CDYL: variants seen among roughly 807,000 people sequenced by gnomAD.
The protein encoded by CDYL is chromodomain Y like, also known as chromodomain Y-like protein.
A neutral mutation model predicts 47.3 loss-of-function variants in CDYL; 8 were observed. The ratio of observed to expected loss-of-function variants is 0.17; its 90% confidence interval spans 0.10 to 0.31. The LOEUF (loss-of-function observed/expected upper bound fraction) is 0.31, where lower values mean the gene tolerates loss of function less well. Among genes scored for constraint, CDYL ranks in the 10% least tolerant of loss-of-function variants. CDYL has a pLI of 1.00. For missense variants in CDYL, 471 were observed against 701.4 expected (o/e 0.67, Z 3.71); for synonymous variants, 266 against 265.0 (o/e 1.00, Z -0.04).
rs368918105 is a variant in CDYL at position 4,932,663 on chromosome 6, A to G, written c.692-2852A>G. Among the ~76,000 whole-genome samples the G allele has an allele frequency of 1.9e-4, 29 of 152,252 alleles. 1 individual carries two copies. In the East Asian group the frequency reaches 3.5e-3, roughly 18 times the overall value. On this transcript the variant is annotated intron_variant, in intron 2 of 6. Coordinates refer to ENST00000397588, the MANE Select transcript of CDYL (RefSeq NM_004824.4). ...ACCAGCTGCTGGCATGTGTAGTCTG[A>G]AGGAACCCCCTTCTTAGAATGCCCA...
intron 2 of CDYL, among the ~76,000 whole-genome samples, chr6:4,897,853 C>G (rs1339019973): frequency 6.8e-6 from 1 of 148,112 alleles, no homozygotes; most frequent in Non-Finnish European, 1.5e-5. Flanking sequence ...GTCAGGAGAT[C>G]AAGACCATCC....
In CDYL at chr6:4,891,713, G is replaced by A. The variant is rs1373358695; in HGVS notation, c.25G>A (p.Val9Ile). The A allele has an allele frequency of 6.2e-7, 1 of 1,610,268 alleles. No homozygotes were observed. The highest frequency in any genetic ancestry group is 8.5e-7 in the Non-Finnish European group (1 of 1,177,982). The change falls in exon 2 of 7, where the codon GTT (valine) becomes ATT (isoleucine). Residue 9 changes from valine (V) to isoleucine (I), a missense_variant and splice_region_variant. Transcript: ENST00000397588. ...ACTATTTTTTTCCTTTTATGAACAGGTTGAAAGGATTGTTGACAAAAGGAA... is the reference window on the plus strand; with the variant it reads ...ACTATTTTTTTCCTTTTATGAACAGATTGAAAGGATTGTTGACAAAAGGAA... MASEELYEVERIVDKRKNK... is the reference protein window; with the variant it reads MASEELYEIERIVDKRKNK...
chr6:4,897,729 C>A (rs1023869308), intron 2 of CDYL, among the ~76,000 whole-genome samples: 1 of 147,002 alleles, frequency 6.8e-6, no homozygotes, highest in African/African-American at 2.5e-5. Flanking sequence ...CCAGCCTGGG[C>A]AACATAGTAA....
At chr6:4,801,427 TG>T (rs1288634390) in intron 1 of CDYL, among the ~76,000 whole-genome samples, 5 of 152,240 alleles carry the variant, frequency 3.3e-5, no homozygotes, top group African/African-American at 9.6e-5. Context: ...ATTTTTTTCT[TG>T]TCTAGTGGAA....
chr6:4,916,140 C>G (rs896024790), intron 2 of CDYL, among the ~76,000 whole-genome samples: 2 of 152,216 alleles, frequency 1.3e-5, no homozygotes, highest in Admixed American at 1.3e-4. Flanking sequence ...AACCCAGCCA[C>G]CTTGGCACAT....
intron 2 of CDYL, among the ~76,000 whole-genome samples, chr6:4,900,450 A>G (rs1756993286): frequency 1.3e-5 from 2 of 152,202 alleles, no homozygotes; most frequent in South Asian, 2.1e-4. Flanking sequence ...TTATACACAC[A>G]TACACATATG....
At chr6:4,758,347 AATAAAT>A (rs1216055509) in intron 3 of CDYL, among the ~76,000 whole-genome samples, 1 of 48,658 alleles carries the variant, frequency 2.1e-5, no homozygotes, top group Non-Finnish European at 4.2e-5. Context: ...CTTGAAAATA[AATAAAT>A]ATATATATAT....
At chr6:4,737,353 G>A (rs968473607) in intron 3 of CDYL, among the ~76,000 whole-genome samples, 7 of 3,782 alleles carry the variant, frequency 1.9e-3, no homozygotes, top group Non-Finnish European at 2.8e-3. Flanking sequence ...AGAAATATTT[G>A]CAACAAAAAT....
intron 3 of CDYL, among the ~76,000 whole-genome samples, chr6:4,759,481 C>A (rs1758135591): frequency 6.6e-6 from 1 of 151,994 alleles, no homozygotes; most frequent in South Asian, 2.1e-4. Context: ...TTTGCTTAGT[C>A]CTGATTATCT....
At chr6:4,732,456 C>A (rs1472716449) in intron 2 of CDYL, among the ~76,000 whole-genome samples, 1 of 151,970 alleles carries the variant, frequency 6.6e-6, no homozygotes, top group East Asian at 1.9e-4. Flanking sequence ...AAATTCAAGA[C>A]CAGCCTGAGC....
intron 2 of CDYL, among the ~76,000 whole-genome samples, chr6:4,896,811 A>G (rs1762296779): frequency 6.6e-6 from 1 of 152,230 alleles, no homozygotes; most frequent in Non-Finnish European, 1.5e-5. Context: ...GAAACGAACC[A>G]TCATTCAAAA....
At chr6:4,899,441 T>C (rs559712749) in intron 2 of CDYL, among the ~76,000 whole-genome samples, 4 of 152,152 alleles carry the variant, frequency 2.6e-5, no homozygotes, top group Non-Finnish European at 5.9e-5. Context: ...GGATGATAAA[T>C]TGCGGAGAAG....
Position 4,953,976 on chromosome 6 carries a change from G to A in CDYL, c.1555G>A (p.Val519Met), listed in dbSNP as rs1193326779. ...GCAGGCCAACGAGAGGGAGTGTGAG[G>A]TGCTGAAGAAAATCTGGGGCTCGGC... The part of the protein sequence containing the change: ...LEQANERECE[V>M]LKKIWGSAQG... Residue 519 changes from valine to methionine, a missense_variant, in exon 7 of 7, where the codon GTG (valine) becomes ATG (methionine). This residue lies in a region of CDYL where 57 missense variants were observed against 74.3 expected (regional missense o/e 0.77). Transcript: ENST00000397588. 6.2e-7 allele frequency: 1 copy of A among 1,614,162 alleles called. No individual in the cohort carries two copies. Among genetic ancestry groups the A allele is most frequent in the African/African-American group, 1.3e-5 (1 of 75,056 alleles).
intron 1 of CDYL, among the ~76,000 whole-genome samples, chr6:4,782,816 C>T (rs539745904): frequency 6.6e-6 from 1 of 152,212 alleles, no homozygotes; most frequent in African/African-American, 2.4e-5. Flanking sequence ...ACCACTTTGA[C>T]ATTATTTTTG....
In CDYL at chr6:4,873,273, C is replaced by T. The variant is rs1186108683; in HGVS notation, c.25-18440C>T. Among the ~76,000 whole-genome samples the T allele has an allele frequency of 4.6e-5, 7 of 152,028 alleles. 1 individual carries two copies. The highest frequency in any genetic ancestry group is 1.5e-4 in the African/African-American group (6 of 41,374). The stretch of plus-strand genomic sequence containing the variant: ...TCTTAGCATGAATAAGTGGCTTAAC[C>T]TCTTAAATATTTAAATCAATTTTTA... On this transcript the variant is annotated intron_variant, in intron 1 of 6. Transcript: ENST00000397588.
intron 3 of CDYL, 122 bp downstream of exon 3, chr6:4,935,893 T>C (rs1244750870): frequency 3.5e-6 from 5 of 1,443,988 alleles, no homozygotes; most frequent in Non-Finnish European, 4.7e-6. Context: ...CATCTCCCGA[T>C]GCCCACCAGA....
chr6:4,722,459 G>C lies in CDYL; in HGVS notation c.103+6578G>C, dbSNP rs9504219. 2.4e-4 allele frequency among the ~76,000 whole-genome samples: 37 copies of C among 152,246 alleles called. 1 individual carries two copies. The East Asian group carries it at 3.5e-3, about 14-fold the overall frequency. On this transcript the variant is annotated intron_variant, in intron 2 of 8. Transcript: ENST00000328908. The stretch of plus-strand genomic sequence containing the variant: ...TAAATTATGATTATAGAAATCTTCC[G>C]AAAGATAAGAAAATGTTCGTCAAAT...
chr6:4,862,820 C>A lies in CDYL; in HGVS notation c.25-28893C>A, dbSNP rs181388596. ...CTTTCTCAAAGAACTAAAATTAGAA[C>A]TGTCATTTGACCCAGCAATCCCTCT... On this transcript the variant is annotated intron_variant, in intron 1 of 6. Transcript: ENST00000397588. Among the ~76,000 whole-genome samples, 155 of 152,284 alleles carry A rather than the reference C, an allele frequency of 1.0e-3. 3 individuals carry two copies. Among genetic ancestry groups the A allele is most frequent in the Admixed American group, 0.01 (155 of 15,298 alleles).
At chr6:4,937,429 G>A (rs937573241) in intron 3 of CDYL, 136 bp from the exon 4 acceptor site, 47 of 583,040 alleles carry the variant, frequency 8.1e-5, no homozygotes, top group Non-Finnish European at 1.2e-4. Flanking sequence ...CCAGGAGTTA[G>A]AGAGCACAGT....
Sources: gnomAD v4.1 joint callset for allele counts (sites outside exome capture counted in the v4.1 genomes callset) on GRCh38, gnomAD v4.1.1 for gene constraint, gnomAD v4.1.1 regional missense constraint, MANE v1.5 for transcripts, NCBI Gene and HGNC (gene_info 2026-07-23, HGNC 2026-07-21) for gene names.